Variants in IFT80 observed in about 807,000 individuals in gnomAD.
The protein encoded by IFT80 is intraflagellar transport protein 80 homolog.
In IFT80, 79 loss-of-function variants were observed where a neutral mutation model predicts 107.9. The ratio of observed to expected loss-of-function variants is 0.73; its 90% CI spans 0.61 to 0.88. The LOEUF is 0.88. Among genes scored for constraint, IFT80 ranks in the 40% least tolerant of loss-of-function variants. The pLI, the probability that IFT80 is intolerant of heterozygous loss-of-function variation, is 0.00. For synonymous variants in IFT80, 299 were observed against 300.9 expected, an observed-to-expected ratio of 0.99 and a Z score of 0.07; for missense variants, 797 against 914.2, an observed-to-expected ratio of 0.87 and a Z score of 1.65.
intron 12 of IFT80, among the ~76,000 whole-genome samples, chr3:160,288,642 GA>G (rs369839738): frequency 6.6e-5 from 10 of 151,100 alleles, no homozygotes; most frequent in African/African-American, 9.7e-5. Flanking sequence ...AAATTTACAA[GA>G]AAAAAAACAC....
intron 11 of IFT80, among the ~76,000 whole-genome samples, chr3:160,301,563 TA>T (rs1392103126): frequency 6.6e-6 from 1 of 151,960 alleles, no homozygotes; most frequent in Non-Finnish European, 1.5e-5. Context: ...TTTATTAAAA[TA>T]AGGCAGTTGT....
intron 8 of IFT80, among the ~76,000 whole-genome samples, chr3:160,324,303 G>A (rs549976300): frequency 7.2e-5 from 11 of 152,138 alleles, no homozygotes; most frequent in East Asian, 1.9e-4. Context: ...TCCTAATACC[G>A]AAGCCGGGTG....
intron 15 of IFT80, among the ~76,000 whole-genome samples, chr3:160,280,004 G>A (rs774876894): frequency 5.3e-5 from 8 of 151,976 alleles, no homozygotes; most frequent in South Asian, 4.2e-4. Context: ...TTAAAAATAC[G>A]CTGTTTTATT....
chr3:160,263,252 C>A (rs1030689021), intron 19 of IFT80, among the ~76,000 whole-genome samples: 1 of 152,138 alleles, frequency 6.6e-6, no homozygotes, highest in African/African-American at 2.4e-5. Context: ...CTTAATTTTA[C>A]TTCTAAAATT....
At chr3:160,297,248 T>C (rs1001022111) in intron 12 of IFT80, among the ~76,000 whole-genome samples, 9 of 152,084 alleles carry the variant, frequency 5.9e-5, no homozygotes, top group Admixed American at 1.3e-4. Context: ...TTTGAAAAGA[T>C]TGTTGGGAAA....
chr3:160,341,280 A>T (rs1274397062), intron 8 of IFT80, among the ~76,000 whole-genome samples: 1 of 151,748 alleles, frequency 6.6e-6, no homozygotes, highest in African/African-American at 2.4e-5. Context: ...CCAAAGTCTT[A>T]CCACTTTTTA....
At chr3:160,313,001 T>A (rs1443797060) in intron 9 of IFT80, among the ~76,000 whole-genome samples, 1 of 81,400 alleles carries the variant, frequency 1.2e-5, no homozygotes, top group Non-Finnish European at 2.2e-5. Context: ...ATATTATATA[T>A]AAATTAATAT....
chr3:160,331,128 C>G (rs955463805), intron 8 of IFT80, among the ~76,000 whole-genome samples: 2 of 152,170 alleles, frequency 1.3e-5, no homozygotes, highest in African/African-American at 4.8e-5. Context: ...CTTTGGCACA[C>G]TGAATTGCTA....
chr3:160,333,105 G>A (rs1297516781), intron 8 of IFT80, among the ~76,000 whole-genome samples: 5 of 152,080 alleles, frequency 3.3e-5, no homozygotes, highest in South Asian at 2.1e-4. Context: ...GTCACACAAC[G>A]ATAGTAGTGT....
At chr3:160,314,110 T>C (rs1418990715) in intron 9 of IFT80, among the ~76,000 whole-genome samples, 2 of 152,210 alleles carry the variant, frequency 1.3e-5, no homozygotes, top group Non-Finnish European at 2.9e-5. Context: ...ATCATAGCAA[T>C]AGCTATCATT....
intron 12 of IFT80, among the ~76,000 whole-genome samples, chr3:160,293,076 C>T (rs1715694804): frequency 6.6e-6 from 1 of 151,984 alleles, no homozygotes; most frequent in Non-Finnish European, 1.5e-5. Context: ...GAAATAATAG[C>T]TGAGAGTAAA....
intron 8 of IFT80, among the ~76,000 whole-genome samples, chr3:160,345,201 C>T (rs183761497): frequency 1.2e-4 from 18 of 151,986 alleles, no homozygotes; most frequent in African/African-American, 2.9e-4. Context: ...CATCAACAGA[C>T]GAATAGATAA....
intron 8 of IFT80, among the ~76,000 whole-genome samples, chr3:160,320,726 A>G (rs1324454657): frequency 1.3e-5 from 2 of 151,450 alleles, no homozygotes; most frequent in East Asian, 3.9e-4. Context: ...CACAGTCTTG[A>G]TTTTGTTGTT....
chr3:160,292,712 G>A (rs1172882260), intron 12 of IFT80, among the ~76,000 whole-genome samples: 1 of 152,064 alleles, frequency 6.6e-6, no homozygotes. Flanking sequence ...TCCTGACCTT[G>A]TGATGCGCCC....
chr3:160,362,166 T>C (rs911707646), intron 6 of IFT80, among the ~76,000 whole-genome samples: 1 of 152,024 alleles, frequency 6.6e-6, no homozygotes, highest in African/African-American at 2.4e-5. Context: ...AAGAATCAAA[T>C]AGATACAATA....
intron 8 of IFT80, among the ~76,000 whole-genome samples, chr3:160,334,203 G>C (rs1426769517): frequency 6.6e-6 from 1 of 152,124 alleles, no homozygotes; most frequent in Non-Finnish European, 1.5e-5. Flanking sequence ...ATGGTACTAA[G>C]GTTAGGTTAA....
intron 1 of IFT80, among the ~76,000 whole-genome samples, chr3:160,388,764 C>T (rs567932095): frequency 2.0e-5 from 3 of 151,856 alleles, no homozygotes; most frequent in African/African-American, 7.2e-5. Flanking sequence ...TCCAGTGAAC[C>T]CAAATAAATA....
At chr3:160,259,475 G>A (rs1357790148) in intron 19 of IFT80, among the ~76,000 whole-genome samples, 1 of 152,186 alleles carries the variant, frequency 6.6e-6, no homozygotes, top group Non-Finnish European at 1.5e-5. Context: ...AGCATATTCT[G>A]TGAAAGTGGC....
At chr3:160,365,533 T>C (rs1432380654) in intron 6 of IFT80, among the ~76,000 whole-genome samples, 4 of 152,070 alleles carry the variant, frequency 2.6e-5, no homozygotes, top group Admixed American at 1.3e-4. Context: ...CACAGCAACT[T>C]ATAATAGCAT....
Sources: allele counts gnomAD v4.1 joint callset (sites outside exome capture counted in the v4.1 genomes callset), GRCh38; gene constraint gnomAD v4.1.1; transcripts MANE v1.5; gene names NCBI Gene and HGNC (gene_info 2026-07-23, HGNC 2026-07-21).